The following OPCML variants were observed in gnomAD, a reference collection of about 807,000 sequenced individuals.
OPCML encodes the protein opioid-binding protein/cell adhesion molecule.
OPCML carries 13 observed loss-of-function variants against 37.8 expected under a neutral mutation model. That is an observed-to-expected ratio of 0.34 (90% CI 0.22 to 0.55). The LOEUF is 0.55. Among genes scored for constraint, OPCML ranks in the 20% least tolerant of loss-of-function variants. OPCML has a pLI of 0.91. For synonymous variants in OPCML, 176 were observed against 168.8 expected (o/e 1.04, Z -0.33); for missense variants, 341 against 435.6 (o/e 0.78, Z 1.93).
intron 2 of OPCML, among the ~76,000 whole-genome samples, chr11:132,698,747 A>G (rs1013672387): frequency 6.6e-6 from 1 of 151,982 alleles, no homozygotes; most frequent in Non-Finnish European, 1.5e-5. Flanking sequence ...TTCTTCTTGT[A>G]GTTTTACAGT....
intron 3 of OPCML, among the ~76,000 whole-genome samples, chr11:132,597,974 T>C (rs1405465551): frequency 6.6e-6 from 1 of 152,146 alleles, no homozygotes; most frequent in African/African-American, 2.4e-5. Flanking sequence ...TCTTTTCCAC[T>C]TTACTCATTT....
At chr11:132,787,598 T>C (rs73585624) in intron 2 of OPCML, among the ~76,000 whole-genome samples, 2,902 of 152,280 alleles carry the variant, frequency 0.019, 98 homozygotes, top group African/African-American at 0.065. Flanking sequence ...ACAAGCACTA[T>C]GCAAGCTTTA....
chr11:132,760,560 C>CTT (rs200647564), intron 2 of OPCML, among the ~76,000 whole-genome samples: 390 of 126,888 alleles, frequency 3.1e-3, no homozygotes, highest in African/African-American at 0.01. Flanking sequence ...TAATGCCCTT[C>CTT]TTTTTTTTTT....
chr11:132,433,118 G>A (rs1278540107), intron 7 of OPCML, among the ~76,000 whole-genome samples: 4 of 152,152 alleles, frequency 2.6e-5, no homozygotes, highest in Admixed American at 1.3e-4. Context: ...ATGCTGGAGA[G>A]GAAGGGCACA....
intron 1 of OPCML, among the ~76,000 whole-genome samples, chr11:133,095,855 G>A (rs946224469): frequency 6.6e-6 from 1 of 151,674 alleles, no homozygotes; most frequent in Non-Finnish European, 1.5e-5. Flanking sequence ...CAAGAATTCT[G>A]TACCCTAAGA....
Position 133,532,290 on chromosome 11 carries a change from G to T in OPCML, c.35C>A (p.Ala12Glu), listed in dbSNP as rs1042428514. Reference protein sequence around the residue: ...YHPAYWVVFSATTALLFIPGV... With the variant: ...YHPAYWVVFSETTALLFIPGV... ...TGGGATGAAGAGCAGGGCAGTTGTCGCCGAGAAGACGACCCAGTAGGCAGG... is the reference window on the plus strand; with the variant it reads ...TGGGATGAAGAGCAGGGCAGTTGTCTCCGAGAAGACGACCCAGTAGGCAGG... Residue 12 changes from alanine to glutamate, a missense_variant, in exon 1 of 8, where the codon GCG becomes GAG. By Grantham distance (107) the Ala-to-Glu change is moderately radical. Transcript: ENST00000524381. The T allele has an allele frequency of 6.2e-7, 1 of 1,614,036 alleles. No individual in the cohort carries two copies. Among genetic ancestry groups the T allele is most frequent in the Non-Finnish European group, 8.5e-7 (1 of 1,179,970 alleles).
At chr11:132,606,909 C>T (rs1036819757) in intron 3 of OPCML, among the ~76,000 whole-genome samples, 3 of 152,134 alleles carry the variant, frequency 2.0e-5, no homozygotes, top group Non-Finnish European at 4.4e-5. Flanking sequence ...ACTGTTAGAG[C>T]CAATTTGGAG....
chr11:133,524,608 A>T (rs1296759816), intron 1 of OPCML, among the ~76,000 whole-genome samples: 1 of 152,232 alleles, frequency 6.6e-6, no homozygotes, highest in Non-Finnish European at 1.5e-5. Context: ...ATCTGTGTTT[A>T]CGGAACGACT....
intron 1 of OPCML, among the ~76,000 whole-genome samples, chr11:133,080,877 TGA>T (rs1364844090): frequency 1.3e-5 from 2 of 152,122 alleles, no homozygotes; most frequent in Non-Finnish European, 2.9e-5. Context: ...TTCTGGAGGC[TGA>T]GATATCGGTG....
intron 2 of OPCML, among the ~76,000 whole-genome samples, chr11:132,808,904 T>G (rs1939168711): frequency 6.6e-6 from 1 of 152,000 alleles, no homozygotes; most frequent in Non-Finnish European, 1.5e-5. Context: ...GCTTTTAGTT[T>G]CAGATACAAA....
chr11:132,922,875 G>A (rs985647269), intron 2 of OPCML, among the ~76,000 whole-genome samples: 1 of 151,200 alleles, frequency 6.6e-6, no homozygotes, highest in African/African-American at 2.4e-5. Context: ...TTTGAGACCA[G>A]TCTAGCAACG....
At chr11:133,517,832 C>T (rs953232321) in intron 1 of OPCML, among the ~76,000 whole-genome samples, 1 of 152,196 alleles carries the variant, frequency 6.6e-6, no homozygotes, top group African/African-American at 2.4e-5. Context: ...CACAGCCGCT[C>T]TTTCAGGGGG....
chr11:133,463,538 C>T (rs902959853), intron 1 of OPCML, among the ~76,000 whole-genome samples: 1 of 152,098 alleles, frequency 6.6e-6, no homozygotes, highest in African/African-American at 2.4e-5. Context: ...GTAAGAGCTC[C>T]ACCTCACAAC....
intron 4 of OPCML, among the ~76,000 whole-genome samples, chr11:132,519,855 C>A (rs74352908): frequency 0.011 from 1,748 of 152,194 alleles, 13 homozygotes; most frequent in Middle Eastern, 0.037. Flanking sequence ...TGGAGAGAGA[C>A]AAAGAAGTAG....
chr11:132,438,775 T>G (rs2096021877), intron 4 of OPCML, among the ~76,000 whole-genome samples: 1 of 151,616 alleles, frequency 6.6e-6, no homozygotes, highest in South Asian at 2.1e-4. Context: ...GCAGTAAGGG[T>G]CTGTGGAGGT....
chr11:132,548,495 C>G (rs574098985), intron 3 of OPCML, among the ~76,000 whole-genome samples: 1 of 152,148 alleles, frequency 6.6e-6, no homozygotes, highest in African/African-American at 2.4e-5. Context: ...GCTCATTTCC[C>G]TCTCAATTAA....
intron 2 of OPCML, among the ~76,000 whole-genome samples, chr11:132,796,260 A>G (rs1381515950): frequency 6.6e-6 from 1 of 152,218 alleles, no homozygotes; most frequent in African/African-American, 2.4e-5. Context: ...GATTGTATTA[A>G]TATACCAAAG....
intron 3 of OPCML, among the ~76,000 whole-genome samples, chr11:132,578,931 C>G (rs575222722): frequency 1.3e-5 from 2 of 152,142 alleles, no homozygotes; most frequent in South Asian, 2.1e-4. Flanking sequence ...GTGCTTCTCC[C>G]TGAATCAACA....
intron 1 of OPCML, among the ~76,000 whole-genome samples, chr11:133,107,489 A>G (rs1487885792): frequency 6.6e-6 from 1 of 152,184 alleles, no homozygotes; most frequent in Non-Finnish European, 1.5e-5. Flanking sequence ...TCATCAATGA[A>G]TATTTCTGGC....
Sources: gnomAD v4.1 joint callset for allele counts (sites outside exome capture counted in the v4.1 genomes callset) on GRCh38, gnomAD v4.1.1 for gene constraint, MANE v1.5 for transcripts, NCBI Gene and HGNC (gene_info 2026-07-23, HGNC 2026-07-21) for gene names.